SMYD3: variants seen among roughly 807,000 people sequenced by gnomAD.
The protein encoded by SMYD3 is histone-lysine N-methyltransferase SMYD3.
Under a neutral mutation model 57.7 loss-of-function variants are expected in SMYD3, and 36 were observed. The ratio of observed to expected loss-of-function variants is 0.62; its 90% CI spans 0.48 to 0.82. The LOEUF is 0.82. Ranked by LOEUF, SMYD3 falls within the 40% of genes least tolerant of loss-of-function variation. The probability of loss-of-function intolerance (pLI) is 0.00; values close to 1 mark genes in which losing one functional copy is unlikely to be tolerated. For synonymous variants in SMYD3, 211 were observed against 195.0 expected (o/e 1.08, Z -0.68); for missense variants, 515 against 538.8 (o/e 0.96, Z 0.44).
chr1:245,939,381 T>G (rs2057125730), intron 5 of SMYD3, among the ~76,000 whole-genome samples: 1 of 151,992 alleles, frequency 6.6e-6, no homozygotes, highest in Admixed American at 6.6e-5. Flanking sequence ...ATCCCAACAC[T>G]TTGGGAGGCC....
At chr1:246,466,955 G>A (rs1333295227) in intron 1 of SMYD3, among the ~76,000 whole-genome samples, 2 of 152,184 alleles carry the variant, frequency 1.3e-5, no homozygotes, top group Admixed American at 6.5e-5. Flanking sequence ...ATCACTTGAG[G>A]TCAGGAGTTC....
At chr1:246,403,025 T>C (rs1386226695) in intron 1 of SMYD3, among the ~76,000 whole-genome samples, 1 of 152,208 alleles carries the variant, frequency 6.6e-6, no homozygotes, top group Non-Finnish European at 1.5e-5. Flanking sequence ...CTACCCGAAC[T>C]GTCCATTAAG....
chr1:245,908,079 T>C (rs943123901), intron 8 of SMYD3, among the ~76,000 whole-genome samples: 2 of 151,254 alleles, frequency 1.3e-5, no homozygotes, highest in Non-Finnish European at 2.9e-5. Flanking sequence ...GAGGTTGCAG[T>C]GAGCTGAGAT....
intron 10 of SMYD3, among the ~76,000 whole-genome samples, chr1:245,833,059 C>CAAAAAAAAAAAAAAAAAAAAA (rs35215737): frequency 4.9e-5 from 2 of 40,840 alleles, no homozygotes; most frequent in African/African-American, 1.3e-4. Flanking sequence ...GAATATGTGA[C>CAAAAAAAAAAAAAAAAAAAAA]AAAAAAAAAA....
At chr1:246,456,715 A>G (rs1343800981) in intron 1 of SMYD3, among the ~76,000 whole-genome samples, 1 of 152,212 alleles carries the variant, frequency 6.6e-6, no homozygotes, top group Non-Finnish European at 1.5e-5. Flanking sequence ...AATGAGTGGG[A>G]CCAGAAGGTG....
At chr1:245,783,851 T>C (rs1224009956) in intron 10 of SMYD3, among the ~76,000 whole-genome samples, 1 of 152,198 alleles carries the variant, frequency 6.6e-6, no homozygotes, top group Non-Finnish European at 1.5e-5. Flanking sequence ...CCATGTACAG[T>C]ATCTGTATGC....
chr1:245,886,004 A>G (rs572369536), intron 8 of SMYD3, among the ~76,000 whole-genome samples: 25 of 152,352 alleles, frequency 1.6e-4, no homozygotes, highest in African/African-American at 5.8e-4. Flanking sequence ...TAGAAAACAT[A>G]ATTTATTAAT....
chr1:245,971,212 C>T (rs1354762429), intron 5 of SMYD3, among the ~76,000 whole-genome samples: 4 of 152,206 alleles, frequency 2.6e-5, no homozygotes, highest in African/African-American at 4.8e-5. Flanking sequence ...AAACCAAACA[C>T]CACATGTTCT....
chr1:245,751,935 T>A (rs991827737), intron 11 of SMYD3, among the ~76,000 whole-genome samples: 2 of 152,298 alleles, frequency 1.3e-5, no homozygotes, highest in East Asian at 3.9e-4. Context: ...TCTATGAGAT[T>A]CCCCTGGGCA....
intron 5 of SMYD3, among the ~76,000 whole-genome samples, chr1:246,244,503 T>C (rs1035079018): frequency 2.0e-5 from 3 of 152,208 alleles, no homozygotes; most frequent in Non-Finnish European, 4.4e-5. Flanking sequence ...GTATATACTA[T>C]AAGCACTTAT....
At chr1:246,247,396 C>T (rs1395074263) in intron 5 of SMYD3, among the ~76,000 whole-genome samples, 1 of 151,238 alleles carries the variant, frequency 6.6e-6, no homozygotes, top group African/African-American at 2.4e-5. Flanking sequence ...AACAGACTAC[C>T]AGGACAGATT....
At chr1:246,152,898 G>C (rs928152442) in intron 5 of SMYD3, among the ~76,000 whole-genome samples, 9 of 152,176 alleles carry the variant, frequency 5.9e-5, no homozygotes, top group Admixed American at 2.0e-4. Flanking sequence ...ACAGTAAGGT[G>C]CCTGGCACAA....
rs67603439 is a variant in SMYD3, at chr1:246,288,062, C to CTTTTTTT, written c.531+39132_531+39138dup. Among the ~76,000 whole-genome samples, 248 of 64,204 alleles carry CTTTTTTT rather than the reference C, an allele frequency of 3.9e-3. 20 individuals carry two copies. The highest frequency in any genetic ancestry group is 5.4e-3 in the Non-Finnish European group (193 of 35,968). The allele number at this position is 64,204 out of a possible 152,430, so 42.1% of individuals were successfully genotyped here. On this transcript the variant is annotated intron_variant, in intron 5 of 11. Transcript: ENST00000490107. ...GTTTTTGAAATGCCATCAGGTAATT[C>CTTTTTTT]TTTTTTTTTTTTTTTTTTTTTTTTT... is the stretch of plus-strand genomic sequence containing the variant.
intron 5 of SMYD3, among the ~76,000 whole-genome samples, chr1:246,278,663 A>T (rs994785541): frequency 2.0e-5 from 3 of 152,064 alleles, no homozygotes; most frequent in African/African-American, 7.2e-5. Flanking sequence ...TCTTCCCCGG[A>T]TTTCCATACG....
At chr1:246,026,133 G>A (rs1030731681) in intron 5 of SMYD3, 20 of 151,486 alleles carry the variant, frequency 1.3e-4, no homozygotes, top group African/African-American at 4.7e-4. Context: ...CAGAGTGAGT[G>A]AGACTTCATC....
chr1:245,967,950 G>A (rs557025817), intron 5 of SMYD3, among the ~76,000 whole-genome samples: 1 of 152,192 alleles, frequency 6.6e-6, no homozygotes, highest in South Asian at 2.1e-4. Context: ...TCCACTTTGT[G>A]GCTTAAGGAT....
intron 1 of SMYD3, among the ~76,000 whole-genome samples, chr1:246,477,510 A>ATAAT (rs2068044566): frequency 6.6e-6 from 1 of 152,256 alleles, no homozygotes; most frequent in Non-Finnish European, 1.5e-5. Context: ...CTTTGCAATT[A>ATAAT]GGCAGACCTG....
chr1:246,070,051 G>GA (rs2060416154), intron 5 of SMYD3, among the ~76,000 whole-genome samples: 1 of 152,168 alleles, frequency 6.6e-6, no homozygotes, highest in Non-Finnish European at 1.5e-5. Context: ...TCCATGCTTT[G>GA]AGAGATGGTT....
At chr1:246,370,187 C>G (rs2148729109) in intron 1 of SMYD3, among the ~76,000 whole-genome samples, 1 of 152,296 alleles carries the variant, frequency 6.6e-6, no homozygotes, top group South Asian at 2.1e-4. Context: ...AACCGGCCAC[C>G]ATGGGCATCA....
Sources: allele counts gnomAD v4.1 joint callset (sites outside exome capture counted in the v4.1 genomes callset), GRCh38; gene constraint gnomAD v4.1.1; transcripts MANE v1.5; gene names NCBI Gene and HGNC (gene_info 2026-07-23, HGNC 2026-07-21).